Variants in TNS1 observed in about 807,000 individuals in gnomAD.
The protein encoded by TNS1 is tensin-1.
Under a neutral mutation model 168.6 loss-of-function variants are expected in TNS1, and 62 were observed. That is an observed-to-expected ratio of 0.37 (90% CI 0.30 to 0.45). TNS1 has a LOEUF of 0.45. TNS1 is among the 20% of genes least tolerant of loss of function. The pLI is 1.00. For missense variants in TNS1, 2,240 were observed against 2,339.4 expected (o/e 0.96, Z 0.88); for synonymous variants, 934 against 933.2 (o/e 1.00, Z -0.02).
At chr2:217,919,760 C>A (rs1052308611) in intron 4 of TNS1, among the ~76,000 whole-genome samples, 1 of 152,208 alleles carries the variant, frequency 6.6e-6, no homozygotes, top group Non-Finnish European at 1.5e-5. Context: ...GGCTTAGAGG[C>A]AGAACAGAGG....
intron 3 of TNS1, among the ~76,000 whole-genome samples, chr2:217,924,591 T>C (rs1955913281): frequency 6.6e-6 from 1 of 152,220 alleles, no homozygotes; most frequent in Non-Finnish European, 1.5e-5. Context: ...CTGTGGCCAC[T>C]TGTGGCCACA....
chr2:217,859,462 G>C (rs1948575412), intron 18 of TNS1: 2 of 605,496 alleles, frequency 3.3e-6, no homozygotes, highest in South Asian at 4.1e-5. Context: ...GCACTTCCCA[G>C]AGGTGAACAC....
At chr2:218,025,397 C>T (rs371436179) in intron 1 of TNS1, among the ~76,000 whole-genome samples, 38 of 152,210 alleles carry the variant, frequency 2.5e-4, no homozygotes, top group African/African-American at 8.9e-4. Context: ...GACAGGCGTG[C>T]ACCACCATGC....
intron 29 of TNS1, 23 bp downstream of exon 29, chr2:217,810,225 T>A: frequency 6.2e-7 from 1 of 1,612,946 alleles, no homozygotes; most frequent in African/African-American, 1.3e-5. Context: ...TGGGCATGGG[T>A]ACAGTTTCAG....
At chr2:217,890,809 G>C (rs1189349137) in intron 12 of TNS1, 153 bp downstream of exon 12, 2 of 746,034 alleles carry the variant, frequency 2.7e-6, no homozygotes, top group Non-Finnish European at 4.5e-6. Flanking sequence ...GTGTGCCTGA[G>C]CTCACACCAC....
intron 3 of TNS1, among the ~76,000 whole-genome samples, chr2:217,930,459 A>C (rs1329943977): frequency 6.6e-6 from 1 of 152,188 alleles, no homozygotes; most frequent in East Asian, 1.9e-4. Flanking sequence ...GGCCAAACAG[A>C]GAAAGGCGGT....
chr2:217,849,833 AG>A, intron 18 of TNS1: 1 of 985,432 alleles, frequency 1.0e-6, no homozygotes, highest in Non-Finnish European at 1.2e-6. Flanking sequence ...CCAGGAGGGC[AG>A]TAGGGTGCAG....
chr2:217,943,494 T>TGGG (rs1485624143), intron 3 of TNS1, among the ~76,000 whole-genome samples: 6 of 152,098 alleles, frequency 3.9e-5, no homozygotes, highest in Non-Finnish European at 7.4e-5. Flanking sequence ...CCTGTGTCCC[T>TGGG]CCCTACTCCT....
chr2:217,843,542 C>G (rs904975418), intron 19 of TNS1, among the ~76,000 whole-genome samples: 1 of 152,124 alleles, frequency 6.6e-6, no homozygotes, highest in Admixed American at 6.5e-5. Flanking sequence ...CATCCTCAAT[C>G]CCCCACAGTC....
intron 19 of TNS1, among the ~76,000 whole-genome samples, chr2:217,840,278 G>A (rs1158815091): frequency 6.6e-6 from 1 of 152,262 alleles, no homozygotes; most frequent in Non-Finnish European, 1.5e-5. Flanking sequence ...GGGGAAGGAA[G>A]AGGTGATTCC....
At chr2:218,030,258 C>A (rs955216599) in intron 1 of TNS1, among the ~76,000 whole-genome samples, 3 of 152,210 alleles carry the variant, frequency 2.0e-5, no homozygotes, top group East Asian at 1.9e-4. Flanking sequence ...ACCTTCAAGT[C>A]GGCTGCTCCA....
chr2:217,806,182 C>T (rs1239499342), intron 32 of TNS1, among the ~76,000 whole-genome samples: 1 of 152,228 alleles, frequency 6.6e-6, no homozygotes, highest in Non-Finnish European at 1.5e-5. Context: ...CCTGCCCTCC[C>T]CTGATATTTC....
At chr2:217,919,181 G>A (rs1372753463) in intron 4 of TNS1, among the ~76,000 whole-genome samples, 2 of 152,214 alleles carry the variant, frequency 1.3e-5, no homozygotes, top group Non-Finnish European at 2.9e-5. Flanking sequence ...AAAGAAACAG[G>A]ATGGGACCAG....
intron 3 of TNS1, among the ~76,000 whole-genome samples, chr2:217,956,165 T>C (rs558542867): frequency 7.9e-5 from 12 of 152,180 alleles, no homozygotes; most frequent in South Asian, 4.1e-4. Flanking sequence ...TTTGGCTTGG[T>C]TAAAAAGAAT....
chr2:217,971,197 C>T (rs534137075), intron 3 of TNS1, among the ~76,000 whole-genome samples: 10 of 152,164 alleles, frequency 6.6e-5, no homozygotes, highest in African/African-American at 2.4e-4. Flanking sequence ...CAATTCCATC[C>T]CCCAAGGAAG....
At chr2:217,836,316 A>C in intron 19 of TNS1, 105 bp from the exon 20 acceptor site, 6 of 1,142,042 alleles carry the variant, frequency 5.3e-6, no homozygotes, top group Non-Finnish European at 7.3e-6. Context: ...CTCAGAGGCC[A>C]TGCTGGGGCT....
rs114176080 is a variant in TNS1 at position 217,871,193 on chromosome 2, G to A, written c.1429+9705C>T. Among the ~76,000 whole-genome samples, 1,237 of 152,308 alleles carry A rather than the reference G, an allele frequency of 8.1e-3. 22 individuals carry two copies. The highest frequency in any genetic ancestry group is 0.028 in the African/African-American group (1,169 of 41,558). On this transcript the variant is annotated intron_variant, in intron 18 of 32. Coordinates refer to ENST00000682258, the MANE Select transcript of TNS1 (RefSeq NM_001387777.1). ...CTCTCACAGTTGGGAAGTTCTACCA[G>A]GAGGCTAACCCAAACCTCTCCTGCT... is the stretch of plus-strand genomic sequence containing the variant.
chr2:217,854,526 A>C (rs1323027763), intron 18 of TNS1, among the ~76,000 whole-genome samples: 1 of 152,176 alleles, frequency 6.6e-6, no homozygotes, highest in Non-Finnish European at 1.5e-5. Context: ...GTGGGGGAAA[A>C]TCAGTGCCAT....
At chr2:217,907,992 C>T (rs567994534) in intron 4 of TNS1, among the ~76,000 whole-genome samples, 2 of 152,348 alleles carry the variant, frequency 1.3e-5, no homozygotes, top group South Asian at 4.1e-4. Flanking sequence ...CTCTGAACTC[C>T]AATCACCTCC....
Sources: gnomAD v4.1 joint callset for allele counts (sites outside exome capture counted in the v4.1 genomes callset) on GRCh38, gnomAD v4.1.1 for gene constraint, MANE v1.5 for transcripts, NCBI Gene and HGNC (gene_info 2026-07-23, HGNC 2026-07-21) for gene names.